ADGRV1: variants seen among roughly 807,000 people sequenced by gnomAD.
ADGRV1 encodes the protein adhesion G protein-coupled receptor V1.
Under a neutral mutation model 596.2 loss-of-function variants are expected in ADGRV1, and 359 were observed. That is an observed-to-expected ratio of 0.60 (90% CI 0.55 to 0.66). The LOEUF (loss-of-function observed/expected upper bound fraction) is 0.66. Among genes scored for constraint, ADGRV1 ranks in the 30% least tolerant of loss-of-function variants. The pLI is 0.00. For missense variants in ADGRV1, 7,274 were observed against 7,575.6 expected, an observed-to-expected ratio of 0.96 and a Z score of 1.48; for synonymous variants, 2,681 against 2,679.2, an observed-to-expected ratio of 1.00 and a Z score of -0.02.
chr5:90,614,738 T>A, intron 1 of ADGRV1, 97 bp from the exon 2 acceptor site: 1 of 920,378 alleles, frequency 1.1e-6, no homozygotes, highest in Non-Finnish European at 1.7e-6. Flanking sequence ...GTTTGCTGTC[T>A]AACTCTTCAT....
chr5:90,984,876 A>G (rs1328542456), intron 84 of ADGRV1, among the ~76,000 whole-genome samples: 1 of 152,210 alleles, frequency 6.6e-6, no homozygotes, highest in Non-Finnish European at 1.5e-5. Flanking sequence ...CTTCAACGTT[A>G]TTTCCCCACT....
intron 86 of ADGRV1, among the ~76,000 whole-genome samples, chr5:91,099,024 T>G (rs909275730): frequency 2.0e-5 from 3 of 152,334 alleles, no homozygotes; most frequent in Middle Eastern, 3.4e-3. Context: ...CTTCTGGCCC[T>G]TTAGCAAATT....
Position 90,810,856 on chromosome 5 carries a change from C to G in ADGRV1, c.15596C>G (p.Pro5199Arg), listed in dbSNP as rs1328406779. 1 of 1,614,024 alleles carries G rather than the reference C, an allele frequency of 6.2e-7. No homozygotes were observed. Among genetic ancestry groups the G allele is most frequent in the Non-Finnish European group, 8.5e-7 (1 of 1,179,888 alleles). Reference protein sequence around the residue: ...PEKLVTLHGTPAVSEKPDVAT... With the variant: ...PEKLVTLHGTRAVSEKPDVAT... Reference sequence around the variant, plus strand: ...AAACTTGTCACCCTTCATGGCACACCTGCTGTGTCTGAAAAGCCTGATGTG... The same window carrying G: ...AAACTTGTCACCCTTCATGGCACACGTGCTGTGTCTGAAAAGCCTGATGTG... Residue 5199 changes from proline (P) to arginine (R), a missense_variant, in exon 74 of 90, where the codon CCT becomes CGT. Coordinates refer to ENST00000405460, the MANE Select transcript of ADGRV1 (RefSeq NM_032119.4).
chr5:90,968,029 A>T (rs1778631166), intron 84 of ADGRV1, among the ~76,000 whole-genome samples: 1 of 152,188 alleles, frequency 6.6e-6, no homozygotes, highest in African/African-American at 2.4e-5. Context: ...ATCCAATGAG[A>T]AGTTGGAAAA....
intron 21 of ADGRV1, among the ~76,000 whole-genome samples, chr5:90,665,721 G>A (rs1367195219): frequency 1.3e-5 from 2 of 148,740 alleles, no homozygotes; most frequent in Admixed American, 1.4e-4. Context: ...GTCAATTTTG[G>A]ATCTTTCCTG....
At chr5:90,847,771 G>A (rs990321426) in intron 78 of ADGRV1, among the ~76,000 whole-genome samples, 10 of 152,322 alleles carry the variant, frequency 6.6e-5, no homozygotes, top group African/African-American at 2.4e-4. Flanking sequence ...GCTGAATGCG[G>A]GGCCCACTGA....
intron 83 of ADGRV1, among the ~76,000 whole-genome samples, chr5:90,870,227 G>T (rs1768532701): frequency 1.3e-5 from 2 of 152,112 alleles, no homozygotes; most frequent in South Asian, 4.1e-4. Flanking sequence ...ATTAAGGGCT[G>T]GGCTTTGTGG....
chr5:90,918,119 G>A (rs1242615086), intron 83 of ADGRV1, among the ~76,000 whole-genome samples: 1 of 152,022 alleles, frequency 6.6e-6, no homozygotes, highest in Non-Finnish European at 1.5e-5. Context: ...GACTTGCTAA[G>A]GCTGTTTGGC....
chr5:90,813,574 T>A (rs542869371), intron 74 of ADGRV1, among the ~76,000 whole-genome samples: 2 of 152,302 alleles, frequency 1.3e-5, no homozygotes, highest in East Asian at 3.9e-4. Flanking sequence ...TTACCTTCCC[T>A]ACATAAGGCA....
intron 75 of ADGRV1, among the ~76,000 whole-genome samples, chr5:90,816,424 A>G (rs537399028): frequency 6.6e-6 from 1 of 150,570 alleles, no homozygotes; most frequent in South Asian, 2.1e-4. Flanking sequence ...TTTTATTATT[A>G]TTATACTTTA....
intron 84 of ADGRV1, among the ~76,000 whole-genome samples, chr5:90,984,955 A>G (rs899156978): frequency 2.0e-5 from 3 of 152,218 alleles, no homozygotes; most frequent in African/African-American, 4.8e-5. Context: ...GCTTGAAAAT[A>G]TAGGGCTTTT....
chr5:91,016,959 T>C (rs1024290534), intron 85 of ADGRV1, among the ~76,000 whole-genome samples: 1 of 151,896 alleles, frequency 6.6e-6, no homozygotes, highest in Non-Finnish European at 1.5e-5. Flanking sequence ...GTAATATGAT[T>C]GGAAGACGTA....
At chr5:90,819,419 G>T (rs1412582611) in intron 75 of ADGRV1, among the ~76,000 whole-genome samples, 2 of 151,164 alleles carry the variant, frequency 1.3e-5, no homozygotes, top group African/African-American at 4.9e-5. Context: ...ATTTCCTTCA[G>T]TTCTGCTCTG....
At chr5:90,561,746 G>GCAACTAGA (rs1318807553) in intron 1 of ADGRV1, among the ~76,000 whole-genome samples, 8 of 152,224 alleles carry the variant, frequency 5.3e-5, no homozygotes, top group Non-Finnish European at 1.0e-4. Context: ...CATGTAGAGG[G>GCAACTAGA]CAACTAGACA....
chr5:90,981,942 A>G (rs1780108593), intron 84 of ADGRV1, among the ~76,000 whole-genome samples: 3 of 146,488 alleles, frequency 2.0e-5, no homozygotes, highest in Non-Finnish European at 4.4e-5. Context: ...AACCAGTGGC[A>G]CTCATTGATT....
At chr5:91,156,321 A>G (rs1796476244) in intron 89 of ADGRV1, among the ~76,000 whole-genome samples, 1 of 152,212 alleles carries the variant, frequency 6.6e-6, no homozygotes, top group African/African-American at 2.4e-5. Flanking sequence ...ACCAACATTT[A>G]AAGAGTGAAT....
chr5:90,943,256 G>T (rs573253044), intron 83 of ADGRV1, among the ~76,000 whole-genome samples: 1 of 152,100 alleles, frequency 6.6e-6, no homozygotes, highest in African/African-American at 2.4e-5. Flanking sequence ...GGGTTGGTTA[G>T]TTCTTAAGGT....
chr5:90,630,770 T>G (rs1384152249), intron 9 of ADGRV1, among the ~76,000 whole-genome samples: 1 of 152,200 alleles, frequency 6.6e-6, no homozygotes, highest in Admixed American at 6.5e-5. Context: ...TATTATTCCT[T>G]TCTCTGGAGT....
At chr5:91,032,876 C>G (rs533747275) in intron 85 of ADGRV1, among the ~76,000 whole-genome samples, 23 of 152,078 alleles carry the variant, frequency 1.5e-4, no homozygotes, top group African/African-American at 4.6e-4. Context: ...ATATGATTTC[C>G]TATTAGTATT....
Sources: allele counts gnomAD v4.1 joint callset (sites outside exome capture counted in the v4.1 genomes callset), GRCh38; gene constraint gnomAD v4.1.1; transcripts MANE v1.5; gene names NCBI Gene and HGNC (gene_info 2026-07-23, HGNC 2026-07-21).